The following DEFB110 variants were observed in gnomAD, a reference collection of about 807,000 sequenced individuals.
DEFB110 encodes defensin beta 110, also known as beta-defensin 110.
A neutral mutation model predicts 2.5 loss-of-function variants in DEFB110; 4 were observed. The observed-to-expected ratio is 1.60, with a 90% confidence interval of 0.79 to 3.66. The LOEUF (loss-of-function observed/expected upper bound fraction) is 3.66, where lower values mean the gene tolerates loss of function less well. Among genes scored for constraint, DEFB110 ranks in the 30% most tolerant of loss-of-function variants. DEFB110 has a pLI of 0.01. For synonymous variants in DEFB110, 29 were observed against 21.8 expected (o/e 1.33, Z -0.92); for missense variants, 94 against 75.4 (o/e 1.25, Z -0.91).
intron 1 of DEFB110, among the ~76,000 whole-genome samples, chr6:50,021,339 G>A (rs528638375): frequency 6.6e-5 from 10 of 152,106 alleles, no homozygotes; most frequent in African/African-American, 1.7e-4. Flanking sequence ...GTCTCTAGAC[G>A]TTGCCTGATG....
At chr6:50,011,851 C>T (rs894217156) in intron 1 of DEFB110, among the ~76,000 whole-genome samples, 9 of 151,954 alleles carry the variant, frequency 5.9e-5, no homozygotes, top group African/African-American at 2.2e-4. Context: ...AAGTTGAAGT[C>T]AAGGCAGAAG....
In DEFB110 at chr6:50,021,954, A is replaced by G; in HGVS notation, c.-19T>C. ...TCTTCATGGTAGAGAGTTTCTTAAA[A>G]AAAGGGGGCAACAGACCTCCTTTTT... On this transcript the variant is annotated 5_prime_UTR_variant, in exon 1 of 2. Transcript: ENST00000371148. 1 of 1,536,450 alleles carries G rather than the reference A, an allele frequency of 6.5e-7. No homozygotes were observed. The highest frequency in any genetic ancestry group is 8.7e-7 in the Non-Finnish European group (1 of 1,151,424).
At chr6:50,016,905 G>A (rs1423401427), downstream of DEFB110, among the ~76,000 whole-genome samples, 1 of 151,574 alleles carries the variant, frequency 6.6e-6, no homozygotes, top group Non-Finnish European at 1.5e-5. Flanking sequence ...GAAAGATACA[G>A]GGTACACCAG....
chr6:50,013,003 T>C (rs1207914406), intron 1 of DEFB110, among the ~76,000 whole-genome samples: 1 of 151,956 alleles, frequency 6.6e-6, no homozygotes, highest in Non-Finnish European at 1.5e-5. Flanking sequence ...TTACTATTAC[T>C]ATTTTAACTG....
At chr6:50,014,748 T>C (rs1774288413), downstream of DEFB110, among the ~76,000 whole-genome samples, 1 of 151,750 alleles carries the variant, frequency 6.6e-6, no homozygotes, top group Admixed American at 6.6e-5. Context: ...ATGATCCAAT[T>C]GAAGATTCCT....
intron 1 of DEFB110, 53 bp downstream of exon 1, chr6:50,021,828 T>G: frequency 1.4e-6 from 2 of 1,479,820 alleles, no homozygotes; most frequent in African/African-American, 2.9e-5. Flanking sequence ...AAGAAACAAC[T>G]TATGTCTTCT....
intron 1 of DEFB110, 122 bp downstream of exon 1, chr6:50,021,759 C>T: frequency 3.3e-6 from 3 of 907,084 alleles, no homozygotes; most frequent in Non-Finnish European, 4.8e-6. Flanking sequence ...TCTAAAATAC[C>T]ACATTACATT....
intron 1 of DEFB110, among the ~76,000 whole-genome samples, chr6:50,019,783 C>A (rs1043983038): frequency 1.3e-5 from 2 of 151,616 alleles, no homozygotes; most frequent in East Asian, 1.9e-4. Flanking sequence ...TAATAACTTA[C>A]AAACAATTTC....
downstream of DEFB110, among the ~76,000 whole-genome samples, chr6:50,016,446 C>G (rs1203829775): frequency 1.3e-5 from 2 of 151,560 alleles, no homozygotes; most frequent in Non-Finnish European, 3.0e-5. Context: ...TTTTTTAGAA[C>G]GAATTAGTTT....
downstream of DEFB110, among the ~76,000 whole-genome samples, chr6:50,014,640 C>G (rs1488522623): frequency 6.6e-6 from 1 of 151,756 alleles, no homozygotes; most frequent in Non-Finnish European, 1.5e-5. Flanking sequence ...TCAACTTACT[C>G]CTTGAAAACA....
chr6:50,021,789 A>C (rs1774421889), intron 1 of DEFB110, 92 bp downstream of exon 1: 9 of 1,194,726 alleles, frequency 7.5e-6, no homozygotes, highest in Non-Finnish European at 1.0e-5. Context: ...TGATGTTTTA[A>C]TCCCTATGTT....
chr6:50,011,868 C>T (rs950611076), intron 1 of DEFB110, among the ~76,000 whole-genome samples: 7 of 151,884 alleles, frequency 4.6e-5, no homozygotes, highest in African/African-American at 1.7e-4. Flanking sequence ...GAAGCAAGGC[C>T]GTGGGTCAGT....
rs754274217 is a variant in DEFB110 at position 50,021,961 on chromosome 6, G to C, written c.-26C>G. 1 of 1,525,780 alleles carries C rather than the reference G, an allele frequency of 6.6e-7. No homozygotes were observed. The highest frequency in any genetic ancestry group is 8.7e-7 in the Non-Finnish European group (1 of 1,144,064). The allele number at this position is 1,525,780 out of a possible 1,614,324, so 94.5% of individuals were successfully genotyped here. A position where few individuals can be genotyped will look rare whatever the true frequency, so the allele number is the denominator to read the frequency against. ...GGTAGAGAGTTTCTTAAAAAAAGGG[G>C]GCAACAGACCTCCTTTTTCAAGTCA... On this transcript the variant is annotated 5_prime_UTR_variant, in exon 1 of 2. Transcript: ENST00000371148.
At chr6:50,017,123 A>G (rs1774332428), downstream of DEFB110, among the ~76,000 whole-genome samples, 1 of 151,722 alleles carries the variant, frequency 6.6e-6, no homozygotes, top group South Asian at 2.1e-4. Flanking sequence ...AAACTTTCAT[A>G]ACTTTCATTT....
At chr6:50,021,587 A>G (rs1055046507) in intron 1 of DEFB110, among the ~76,000 whole-genome samples, 1 of 152,188 alleles carries the variant, frequency 6.6e-6, no homozygotes, top group African/African-American at 2.4e-5. Flanking sequence ...GCCAGCTTCC[A>G]CTTATGTTAT....
chr6:50,015,712 A>G (rs1290478297), downstream of DEFB110, among the ~76,000 whole-genome samples: 2 of 151,798 alleles, frequency 1.3e-5, no homozygotes, highest in African/African-American at 2.4e-5. Flanking sequence ...TCACTATACT[A>G]TGAGCTCCAT....
At position 50,009,576 on chromosome 6, in the gene DEFB110, T is replaced by C. The variant is rs117141694; in HGVS notation, c.56-305A>G. 1.1e-4 allele frequency among the ~76,000 whole-genome samples: 17 copies of C among 152,316 alleles called. No homozygotes were observed. The East Asian group carries it at 3.1e-3, about 28-fold the overall frequency. On this transcript the variant is annotated intron_variant, in intron 1 of 1. Coordinates refer to the DEFB110 transcript ENST00000393660. ...ACACAATTTGGTACTTAATTATATG[T>C]ATTTTTGTCAGACATTTGTTGTGAT...
intron 1 of DEFB110, among the ~76,000 whole-genome samples, chr6:50,012,948 A>G (rs1469949440): frequency 6.6e-6 from 1 of 151,910 alleles, no homozygotes; most frequent in East Asian, 1.9e-4. Flanking sequence ...ATGTCCTTGC[A>G]TCACAAAATA....
At position 50,019,568 on chromosome 6, in the gene DEFB110, T is replaced by A. The variant is rs594927; in HGVS notation, c.56-443A>T. 6.0e-3 allele frequency among the ~76,000 whole-genome samples: 912 copies of A among 152,192 alleles called. 13 individuals are homozygous for A. The highest frequency in any genetic ancestry group is 0.021 in the African/African-American group (871 of 41,558). On this transcript the variant is annotated intron_variant, in intron 1 of 1. Transcript: ENST00000371148. ...TTTGCTTCTCTAAAATGTCAAGAGC[T>A]AGGCAACGCTAGTGAATTTGTCTAA...
Sources: allele counts gnomAD v4.1 joint callset (sites outside exome capture counted in the v4.1 genomes callset), GRCh38; gene constraint gnomAD v4.1.1; transcripts MANE v1.5; gene names NCBI Gene and HGNC (gene_info 2026-07-23, HGNC 2026-07-21).